The following ZNF236 variants were observed in gnomAD, a reference collection of about 807,000 sequenced individuals.
The protein encoded by ZNF236 is regulated by glucose.
ZNF236 carries 50 observed loss-of-function variants against 191.2 expected under a neutral mutation model. The observed-to-expected ratio is 0.26, with a 90% CI of 0.21 to 0.33. The LOEUF is 0.33. ZNF236 is among the 10% of genes least tolerant of loss of function. The probability of loss-of-function intolerance (pLI) is 1.00; values close to 1 mark genes in which losing one functional copy is unlikely to be tolerated. For synonymous variants in ZNF236, 907 were observed against 928.8 expected (o/e 0.98, Z 0.43); for missense variants, 1,754 against 2,374.5 (o/e 0.74, Z 5.43).
At chr18:76,835,544 A>G (rs1248959511) in intron 1 of ZNF236, among the ~76,000 whole-genome samples, 1 of 152,068 alleles carries the variant, frequency 6.6e-6, no homozygotes. Flanking sequence ...AATGAGTCAT[A>G]CTTTATATCT....
chr18:76,903,993 T>C, intron 11 of ZNF236, among the ~76,000 whole-genome samples: 1 of 149,436 alleles, frequency 6.7e-6, no homozygotes, highest in East Asian at 1.9e-4. Flanking sequence ...TTGGACATAG[T>C]TATGTAGACT....
intron 1 of ZNF236, among the ~76,000 whole-genome samples, chr18:76,846,003 G>A (rs1047724199): frequency 1.8e-4 from 28 of 152,258 alleles, no homozygotes; most frequent in Admixed American, 1.3e-3. Context: ...GTGTGGAGAC[G>A]TGTGCATATG....
chr18:76,910,074 T>C lies in ZNF236; in HGVS notation c.2558T>C (p.Phe853Ser), dbSNP rs746101526. The C allele has an allele frequency of 6.2e-7, 1 of 1,610,742 alleles. No homozygotes were observed. Among genetic ancestry groups the C allele is most frequent in the Non-Finnish European group, 8.5e-7 (1 of 1,177,302 alleles). The change falls in exon 15 of 31, where the codon TTT (phenylalanine) becomes TCT (serine). Residue 853 changes from phenylalanine to serine, a missense_variant. By Grantham distance (155) the Phe-to-Ser change is radical. Around this residue, in one of 5 missense-constraint regions of ZNF236, gnomAD observed 641 missense variants for 869.6 expected, o/e 0.74. Coordinates refer to ENST00000320610, the MANE Select transcript of ZNF236 (RefSeq NM_001306089.2). The stretch of plus-strand genomic sequence containing the variant: ...TTTTACATCTCATCCTCAGATGGGT[T>C]TGTGGCTCCACAGGACCCTCTGCGA... The part of the protein sequence containing the change: ...DQPLEADEDG[F>S]VAPQDPLRGH...
rs76086957 is a variant in ZNF236, at chr18:76,925,039, C to T, written c.3662-150C>T. 3.0e-3 allele frequency: 3,665 copies of T among 1,221,320 alleles called. 76 individuals carry two copies. In the African/African-American group the frequency reaches 0.046, roughly 15 times the overall value. The allele number at this position is 1,221,320 out of a possible 1,614,324, so 75.7% of individuals were successfully genotyped here. On this transcript the variant is annotated intron_variant, in intron 21 of 30. Transcript: ENST00000320610. The surrounding 1 kb of genome is among the most constrained non-coding windows in gnomAD (Gnocchi z 5.7). Reference sequence around the variant, plus strand: ...TACTGCAGCAATTGCCTGTGACGTCCGTAACATCTTATAGGTGAAAGGGAT... The same window carrying T: ...TACTGCAGCAATTGCCTGTGACGTCTGTAACATCTTATAGGTGAAAGGGAT...
chr18:76,829,190 G>A (rs899312416), intron 1 of ZNF236, among the ~76,000 whole-genome samples: 4 of 152,124 alleles, frequency 2.6e-5, no homozygotes, highest in Non-Finnish European at 4.4e-5. Flanking sequence ...GAGATAGTGC[G>A]TCTCTGCTTT....
At chr18:76,951,316 G>C (rs1258815273) in intron 27 of ZNF236, among the ~76,000 whole-genome samples, 1 of 152,212 alleles carries the variant, frequency 6.6e-6, no homozygotes, top group African/African-American at 2.4e-5. Context: ...TGTTTACACT[G>C]AAAATCTGTT....
intron 25 of ZNF236, among the ~76,000 whole-genome samples, chr18:76,935,195 T>G (rs1196243401): frequency 6.6e-6 from 1 of 152,246 alleles, no homozygotes; most frequent in African/African-American, 2.4e-5. Flanking sequence ...TAAGAAAATT[T>G]CAGCTTTTTT....
chr18:76,860,883 A>G (rs919072208), intron 3 of ZNF236, among the ~76,000 whole-genome samples: 58 of 152,216 alleles, frequency 3.8e-4, no homozygotes, highest in African/African-American at 1.4e-3. Context: ...TCTTTGATTA[A>G]TAACTGCTAA....
chr18:76,839,890 A>G (rs1276543634), intron 1 of ZNF236, among the ~76,000 whole-genome samples: 1 of 152,236 alleles, frequency 6.6e-6, no homozygotes, highest in Non-Finnish European at 1.5e-5. Flanking sequence ...TGCTATATAT[A>G]GAAAATTAGT....
chr18:76,847,443 A>C (rs1211381108), intron 1 of ZNF236, among the ~76,000 whole-genome samples: 2 of 151,986 alleles, frequency 1.3e-5, no homozygotes, highest in Non-Finnish European at 2.9e-5. Flanking sequence ...GGTCCCAACA[A>C]TCATTTTATT....
chr18:76,883,220 G>A (rs917158204), intron 9 of ZNF236, among the ~76,000 whole-genome samples: 1 of 152,180 alleles, frequency 6.6e-6, no homozygotes, highest in South Asian at 2.1e-4. Context: ...GGGGTGCTGT[G>A]TTTACAGAGT....
chr18:76,822,991 G>T (rs1439860050), intron 1 of ZNF236, among the ~76,000 whole-genome samples: 1 of 148,038 alleles, frequency 6.8e-6, no homozygotes, highest in African/African-American at 2.4e-5. Flanking sequence ...CGCGGCCCGC[G>T]CTGAACTTGA....
Position 76,972,209 on chromosome 18 carries a change from G to T in ZNF236, c.*3870G>T, listed in dbSNP as rs1304296886. 6.6e-6 allele frequency among the ~76,000 whole-genome samples: 1 copy of T among 152,154 alleles called. No individual in the cohort carries two copies. The highest frequency in any genetic ancestry group is 1.5e-5 in the Non-Finnish European group (1 of 68,030). ...TTTCCCATATTCTAATGAAAAGATC[G>T]TACGCCAAAGGCCACTGAGCTGGCA... On this transcript the variant is annotated 3_prime_UTR_variant, in exon 31 of 31. Transcript: ENST00000320610.
chr18:76,940,676 C>A (rs1968115341), intron 26 of ZNF236, among the ~76,000 whole-genome samples: 1 of 152,168 alleles, frequency 6.6e-6, no homozygotes, highest in African/African-American at 2.4e-5. Flanking sequence ...GAGAATTATC[C>A]ACTACAATTA....
chr18:76,865,269 A>G (rs1312934837), intron 3 of ZNF236, among the ~76,000 whole-genome samples: 3 of 152,130 alleles, frequency 2.0e-5, no homozygotes, highest in Non-Finnish European at 4.4e-5. Context: ...CCTGGGAGGC[A>G]GAGGTTGCAG....
chr18:76,956,219 C>G, intron 28 of ZNF236, 37 bp downstream of exon 28: 1 of 1,537,098 alleles, frequency 6.5e-7, no homozygotes. Flanking sequence ...TGTGTGCCCC[C>G]CAGGCGGCTA....
At position 76,923,530 on chromosome 18, in the gene ZNF236, T is replaced by C. The variant is rs73488932; in HGVS notation, c.3661+356T>C. ...AAAACCTGGCACTTAGCAAATCTGATGGCAGTTATCATTTCATAATTATTT... is the reference window on the plus strand; with the variant it reads ...AAAACCTGGCACTTAGCAAATCTGACGGCAGTTATCATTTCATAATTATTT... On this transcript the variant is annotated intron_variant, in intron 21 of 30. Transcript: ENST00000320610. Among the ~76,000 whole-genome samples, 1,203 of 152,388 alleles carry C rather than the reference T, an allele frequency of 7.9e-3. 17 individuals carry two copies. Among genetic ancestry groups the C allele is most frequent in the African/African-American group, 0.028 (1,147 of 41,592 alleles).
chr18:76,908,199 C>T lies in ZNF236; in HGVS notation c.2298-121C>T, dbSNP rs550253350. 53 of 1,351,920 alleles carry T rather than the reference C, an allele frequency of 3.9e-5. No homozygotes were observed. In the South Asian group the frequency reaches 6.5e-4, roughly 17 times the overall value. The allele number at this position is 1,351,920 out of a possible 1,614,324, so 83.7% of individuals were successfully genotyped here. ...TTTACCTGAATTGCCATCATGACTT[C>T]AAAATGAAATCATTAATAAAAAATG... On this transcript the variant is annotated intron_variant, in intron 13 of 30. Coordinates refer to ENST00000320610, the MANE Select transcript of ZNF236 (RefSeq NM_001306089.2).
chr18:76,910,774 G>A lies in ZNF236; in HGVS notation c.2768G>A (p.Ser923Asn). Residue 923 changes from serine (S) to asparagine (N), a missense_variant, in exon 16 of 31, where the codon AGC (serine) becomes AAC (asparagine). Ser to Asn is a conservative substitution (Grantham distance 46). Coordinates refer to ENST00000320610, the MANE Select transcript of ZNF236 (RefSeq NM_001306089.2). ...CTCTCCACAAGCTTCCACCAGCAGA[G>A]CTTGCTGCAGGCTCCCAGCTCTGAT... is the stretch of plus-strand genomic sequence containing the variant. ...QALSTSFHQQ[S>N]LLQAPSSDGM... 6.2e-7 allele frequency: 1 copy of A among 1,614,138 alleles called. No homozygotes were observed. Among genetic ancestry groups the A allele is most frequent in the Non-Finnish European group, 8.5e-7 (1 of 1,180,010 alleles).
Sources: allele counts gnomAD v4.1 joint callset (sites outside exome capture counted in the v4.1 genomes callset), GRCh38; gene constraint gnomAD v4.1.1; regional missense constraint gnomAD v4.1.1; non-coding constraint Gnocchi (gnomAD v3.1); transcripts MANE v1.5; gene names NCBI Gene and HGNC (gene_info 2026-07-23, HGNC 2026-07-21).